The following CORO7 variants were observed in gnomAD, a reference collection of about 807,000 sequenced individuals.
CORO7 encodes the protein coronin 7, also known as coronin-7.
In CORO7, 107 loss-of-function variants were observed where a neutral mutation model predicts 126.6. That is an observed-to-expected ratio of 0.85 (90% CI 0.72 to 0.99). The LOEUF is 0.99. Among genes scored for constraint, CORO7 ranks in the 50% least tolerant of loss-of-function variants. The pLI, the probability that CORO7 is intolerant of heterozygous loss-of-function variation, is 0.00. For synonymous variants in CORO7, 603 were observed against 536.8 expected (o/e 1.12, Z -1.70); for missense variants, 1,314 against 1,255.8 (o/e 1.05, Z -0.70).
chr16:4,382,972 C>T, intron 9 of CORO7: 2 of 1,414,742 alleles, frequency 1.4e-6, no homozygotes, highest in Non-Finnish European at 1.9e-6. Context: ...TGCTGCCACA[C>T]CACGTAAGTT....
intron 9 of CORO7, among the ~76,000 whole-genome samples, chr16:4,378,040 C>T (rs1037638357): frequency 1.3e-5 from 2 of 152,178 alleles, no homozygotes; most frequent in South Asian, 2.1e-4. Context: ...CAACAGATTA[C>T]GGAGCCCAGA....
At chr16:4,392,033 C>A (rs2055410883) in intron 7 of CORO7, among the ~76,000 whole-genome samples, 1 of 152,148 alleles carries the variant, frequency 6.6e-6, no homozygotes, top group African/African-American at 2.4e-5. Flanking sequence ...AGGGGACCTG[C>A]TTCAATAGTA....
intron 1 of CORO7, 147 bp from the exon 2 acceptor site, chr16:4,413,551 T>C (rs2056294178): frequency 1.4e-6 from 1 of 721,928 alleles, no homozygotes; most frequent in South Asian, 2.1e-5. Flanking sequence ...TTTTTTTTTC[T>C]TTTTGAGACA....
intron 16 of CORO7, chr16:4,361,674 CA>C: frequency 2.5e-6 from 2 of 796,426 alleles, no homozygotes; most frequent in Non-Finnish European, 4.2e-6. Flanking sequence ...GAGGGGGCAG[CA>C]GCGTGAACTG....
At chr16:4,392,378 A>G (rs2055426390) in intron 7 of CORO7, among the ~76,000 whole-genome samples, 1 of 152,168 alleles carries the variant, frequency 6.6e-6, no homozygotes, top group Non-Finnish European at 1.5e-5. Flanking sequence ...TGCACCTCCG[A>G]GGAAGTGGAA....
chr16:4,372,528 T>C (rs1398004099), intron 9 of CORO7, among the ~76,000 whole-genome samples: 2 of 151,636 alleles, frequency 1.3e-5, no homozygotes, highest in Non-Finnish European at 2.9e-5. Context: ...TCCCTCCAGG[T>C]GGGGGATGGA....
Position 4,357,240 on chromosome 16 carries a change from C to T in CORO7, c.2613G>A (p.Glu871=). Residue 871 remains glutamate, a synonymous_variant, in exon 26 of 28, where the codon GAG becomes GAA. Transcript: ENST00000251166. ...DMSPVSQAPR[E]APARRAPSSA... ...AGGATGGGGCCCGACGAGCAGGGGC[C>T]TCTCGGGGGGCTTGGCTCACTGGGA... is the stretch of plus-strand genomic sequence containing the variant. The T allele has an allele frequency of 6.2e-7, 1 of 1,613,624 alleles. No homozygotes were observed. Among genetic ancestry groups the T allele is most frequent in the East Asian group, 2.2e-5 (1 of 44,880 alleles).
chr16:4,404,012 G>A (rs1430072038), intron 6 of CORO7, among the ~76,000 whole-genome samples: 1 of 152,136 alleles, frequency 6.6e-6, no homozygotes, highest in South Asian at 2.1e-4. Context: ...GGCCTTATTG[G>A]CCCCCAGAGC....
At chr16:4,355,917 A>G (rs1214569721) in intron 26 of CORO7, among the ~76,000 whole-genome samples, 1 of 152,228 alleles carries the variant, frequency 6.6e-6, no homozygotes, top group East Asian at 1.9e-4. Flanking sequence ...AGCTGGGACT[A>G]CAAGTGTGTA....
At chr16:4,381,863 A>C (rs564056884) in intron 9 of CORO7, 2 of 1,603,224 alleles carry the variant, frequency 1.2e-6, no homozygotes, top group South Asian at 2.2e-5. Flanking sequence ...ACGCGCTGCC[A>C]CTTCCCGCCC....
chr16:4,362,745 AG>A lies in CORO7; in HGVS notation c.1276-8del, dbSNP rs1297018287. 2 of 1,398,560 alleles carry A rather than the reference AG, an allele frequency of 1.4e-6. No homozygotes were observed. The highest frequency in any genetic ancestry group is 3.4e-5 in the South Asian group (2 of 59,030). 86.6% of individuals were successfully genotyped at this position (1,398,560 alleles called of 1,614,324 possible). A position where few individuals can be genotyped will look rare whatever the true frequency, so the allele number is the denominator to read the frequency against. On this transcript the variant is annotated splice_polypyrimidine_tract_variant and splice_region_variant and intron_variant, in intron 14 of 27. Coordinates refer to ENST00000251166, the MANE Select transcript of CORO7 (RefSeq NM_024535.5). This position sits in a 1 kb window ranked among gnomAD's most constrained non-coding sequence, Gnocchi z 5.3. Reference sequence around the variant, plus strand: ...GAGGGGAAGAGAAACCCTCCTGGGGAGGGGCATGGGGTCAGCCAGCCTGCTC... The same window carrying A: ...GAGGGGAAGAGAAACCCTCCTGGGGAGGGCATGGGGTCAGCCAGCCTGCTC...
intron 7 of CORO7, among the ~76,000 whole-genome samples, chr16:4,392,300 C>T (rs982185690): frequency 9.9e-5 from 15 of 152,136 alleles, no homozygotes; most frequent in Middle Eastern, 3.4e-3. Flanking sequence ...TCCAGAGGGG[C>T]GAGCCTGCCT....
intron 9 of CORO7, among the ~76,000 whole-genome samples, chr16:4,370,435 G>A (rs1033945571): frequency 1.3e-5 from 2 of 152,246 alleles, no homozygotes; most frequent in Non-Finnish European, 2.9e-5. Context: ...TGCAAGCTGG[G>A]AAGCCCCATT....
At chr16:4,412,457 C>A (rs2056247508) in intron 2 of CORO7, 27 bp from the exon 3 acceptor site, 1 of 1,613,502 alleles carries the variant, frequency 6.2e-7, no homozygotes, top group Non-Finnish European at 8.5e-7. Flanking sequence ...GGGACTCTGA[C>A]TTCAGGCCCC....
intron 1 of CORO7, chr16:4,415,932 C>G: frequency 2.0e-6 from 2 of 980,954 alleles, no homozygotes; most frequent in Non-Finnish European, 2.4e-6. Context: ...GGAGGAAGCA[C>G]CGGCGGAAAC....
In CORO7 at chr16:4,380,402, G is replaced by A. The variant is rs538338023; in HGVS notation, c.785+7584C>T. Reference sequence around the variant, plus strand: ...CCCTCCTCCAAGGAGGGCGGGACACGGAGCGTGGCAGCAGGAGCCGGCGGC... The same window carrying A: ...CCCTCCTCCAAGGAGGGCGGGACACAGAGCGTGGCAGCAGGAGCCGGCGGC... On this transcript the variant is annotated intron_variant, in intron 9 of 27. Transcript: ENST00000251166. 7.2e-5 allele frequency among the ~76,000 whole-genome samples: 11 copies of A among 152,372 alleles called. No homozygotes were observed. The South Asian group carries it at 1.5e-3, about 20-fold the overall frequency.
At chr16:4,358,254 G>T in intron 24 of CORO7, 113 bp downstream of exon 24, 2 of 1,525,600 alleles carry the variant, frequency 1.3e-6, no homozygotes, top group Non-Finnish European at 1.8e-6. Flanking sequence ...GGGGGTAGGT[G>T]TCCCCATGAA....
chr16:4,387,758 C>T (rs1257174219), intron 9 of CORO7: 4 of 590,124 alleles, frequency 6.8e-6, no homozygotes, highest in Non-Finnish European at 1.2e-5. Context: ...CAAGGGCCCA[C>T]TCTGCTACCA....
Position 4,407,663 on chromosome 16 carries a change from C to G in CORO7, c.325G>C (p.Gly109Arg). ...GCTGAGGGCAGGGCCTGGCCAGGCC[C>G]TGGCAGTCGCCAGAGTTTTACCTGC... is the stretch of plus-strand genomic sequence containing the variant. Reference protein sequence around the residue: ...DRTVKLWRLPGPGQALPSAPG... With the variant: ...DRTVKLWRLPRPGQALPSAPG... The change falls in exon 5 of 28, where the codon GGG becomes CGG. Residue 109 changes from glycine to arginine, a missense_variant. Transcript: ENST00000251166. The G allele has an allele frequency of 6.3e-7, 1 of 1,597,092 alleles. No homozygotes were observed. Among genetic ancestry groups the G allele is most frequent in the African/African-American group, 1.3e-5 (1 of 74,138 alleles).
Sources: gnomAD v4.1 joint callset for allele counts (sites outside exome capture counted in the v4.1 genomes callset) on GRCh38, gnomAD v4.1.1 for gene constraint, Gnocchi (gnomAD v3.1) non-coding constraint, MANE v1.5 for transcripts, NCBI Gene and HGNC (gene_info 2026-07-23, HGNC 2026-07-21) for gene names.